The following KCND2 variants were observed in gnomAD, a reference collection of about 807,000 sequenced individuals.
KCND2 encodes the protein A-type voltage-gated potassium channel KCND2.
KCND2 carries 16 observed loss-of-function variants against 54.4 expected under a neutral mutation model. The ratio of observed to expected loss-of-function variants is 0.29; its 90% CI spans 0.20 to 0.45. KCND2 has a LOEUF of 0.45. KCND2 is among the 20% of genes least tolerant of loss of function. The pLI is 1.00. For missense variants in KCND2, 486 were observed against 824.2 expected (o/e 0.59, Z 5.02); for synonymous variants, 317 against 310.7 (o/e 1.02, Z -0.21).
chr7:120,742,664 C>T (rs888277358), intron 4 of KCND2, 62 bp downstream of exon 4: 19 of 1,247,816 alleles, frequency 1.5e-5, no homozygotes, highest in Middle Eastern at 1.9e-4. Flanking sequence ...TGCTTTTGTG[C>T]ATACTTAATG....
At chr7:120,723,803 G>A (rs916838229) in intron 1 of KCND2, among the ~76,000 whole-genome samples, 8 of 152,220 alleles carry the variant, frequency 5.3e-5, no homozygotes, top group South Asian at 4.1e-4. Flanking sequence ...ATGTGACCAT[G>A]GAAAACAGGT....
intron 1 of KCND2, among the ~76,000 whole-genome samples, chr7:120,309,459 A>ATATATATATATG (rs1285264292): frequency 9.6e-6 from 1 of 104,684 alleles, no homozygotes; most frequent in Non-Finnish European, 2.0e-5. Context: ...AAACATATAT[A>ATATATATATATG]TATATATATA....
At chr7:120,364,851 C>T (rs1011902744) in intron 1 of KCND2, among the ~76,000 whole-genome samples, 2 of 151,980 alleles carry the variant, frequency 1.3e-5, no homozygotes, top group Non-Finnish European at 2.9e-5. Flanking sequence ...GGGTTATTTG[C>T]TAAAACTGTA....
At chr7:120,275,773 T>TGG in intron 1 of KCND2, 26 bp downstream of exon 1, 1 of 1,599,488 alleles carries the variant, frequency 6.3e-7, no homozygotes, top group Admixed American at 1.7e-5. Context: ...GGAAATGGGA[T>TGG]GGAGGTTGGG....
intron 1 of KCND2, among the ~76,000 whole-genome samples, chr7:120,406,554 G>A (rs1233310500): frequency 6.6e-6 from 1 of 151,876 alleles, no homozygotes; most frequent in Non-Finnish European, 1.5e-5. Context: ...AACCTTTCTT[G>A]TCAACAATAG....
intron 1 of KCND2, among the ~76,000 whole-genome samples, chr7:120,452,505 G>A (rs1372350456): frequency 6.6e-6 from 1 of 152,110 alleles, no homozygotes; most frequent in Non-Finnish European, 1.5e-5. Context: ...TACAGACACT[G>A]GGCTGAAGGG....
rs540207660 is a variant in KCND2, at chr7:120,697,268, C to T, written c.1116-35635C>T. On this transcript the variant is annotated intron_variant, in intron 1 of 5. Coordinates refer to ENST00000331113, the MANE Select transcript of KCND2 (RefSeq NM_012281.3). ...ATTTTTGCATTACTTAACTAAGTAT[C>T]TTTCCAGTTTTGATTTCTCAAATGC... 1.1e-4 allele frequency among the ~76,000 whole-genome samples: 17 copies of T among 152,278 alleles called. No individual in the cohort carries two copies. The East Asian group carries it at 3.3e-3, about 29-fold the overall frequency.
At chr7:120,622,713 TCTCA>T (rs1416344555) in intron 1 of KCND2, among the ~76,000 whole-genome samples, 183 of 133,256 alleles carry the variant, frequency 1.4e-3, no homozygotes, top group African/African-American at 4.7e-3. Context: ...TCTCTCTCTC[TCTCA>T]CACACACACA....
At chr7:120,683,751 A>G (rs1405882046) in intron 1 of KCND2, among the ~76,000 whole-genome samples, 1 of 152,200 alleles carries the variant, frequency 6.6e-6, no homozygotes, top group Non-Finnish European at 1.5e-5. Flanking sequence ...AAAAAATAGA[A>G]AAATAAAGGA....
chr7:120,507,011 A>T (rs1431689869), intron 1 of KCND2, among the ~76,000 whole-genome samples: 2 of 151,886 alleles, frequency 1.3e-5, no homozygotes, highest in Non-Finnish European at 2.9e-5. Context: ...ATTTACATGT[A>T]TATTATTTAT....
chr7:120,446,191 C>T (rs1802016385), intron 1 of KCND2, among the ~76,000 whole-genome samples: 1 of 152,214 alleles, frequency 6.6e-6, no homozygotes, highest in Non-Finnish European at 1.5e-5. Flanking sequence ...GTTTGCAGTG[C>T]TGCTAGTCCA....
intron 1 of KCND2, among the ~76,000 whole-genome samples, chr7:120,638,004 A>G (rs1395137292): frequency 6.6e-6 from 1 of 152,118 alleles, no homozygotes; most frequent in African/African-American, 2.4e-5. Flanking sequence ...AAGAAAAATC[A>G]GAAAAAAAAA....
chr7:120,329,570 T>C (rs1800032252), intron 1 of KCND2, among the ~76,000 whole-genome samples: 1 of 152,158 alleles, frequency 6.6e-6, no homozygotes, highest in Non-Finnish European at 1.5e-5. Flanking sequence ...AGTTGAAAAT[T>C]GAGGAATTTT....
chr7:120,531,006 A>G (rs537403966), intron 1 of KCND2, among the ~76,000 whole-genome samples: 17 of 152,134 alleles, frequency 1.1e-4, no homozygotes, highest in African/African-American at 4.1e-4. Context: ...GCTTTGGTTA[A>G]ATCCATTTCT....
intron 1 of KCND2, among the ~76,000 whole-genome samples, chr7:120,452,233 C>T (rs1021728275): frequency 1.3e-5 from 2 of 152,230 alleles, no homozygotes; most frequent in Admixed American, 6.5e-5. Context: ...TTCTTCCTTT[C>T]TGCATCCTTG....
intron 1 of KCND2, among the ~76,000 whole-genome samples, chr7:120,710,422 A>G (rs1792523150): frequency 6.6e-6 from 1 of 152,182 alleles, no homozygotes. Context: ...CAAAAGTTGA[A>G]TTATACAATC....
rs190420035 is a variant in KCND2 at position 120,501,091 on chromosome 7, C to T, written c.1115+225344C>T. 3.8e-3 allele frequency among the ~76,000 whole-genome samples: 572 copies of T among 152,122 alleles called. 3 individuals are homozygous for T. The highest frequency in any genetic ancestry group is 6.8e-3 in the Middle Eastern group (2 of 294). On this transcript the variant is annotated intron_variant, in intron 1 of 5. Coordinates refer to ENST00000331113, the MANE Select transcript of KCND2 (RefSeq NM_012281.3). ...GGTTTTGTTTGTTTAAGTAAGGTTA[C>T]TTACTCTAGAATCTGTTAGTCCATG...
chr7:120,631,173 A>C (rs1269687869), intron 1 of KCND2, among the ~76,000 whole-genome samples: 1 of 152,132 alleles, frequency 6.6e-6, no homozygotes, highest in Non-Finnish European at 1.5e-5. Context: ...TACTGTTGCA[A>C]GTATAAATAG....
At chr7:120,451,235 A>G (rs990886191) in intron 1 of KCND2, among the ~76,000 whole-genome samples, 1 of 152,170 alleles carries the variant, frequency 6.6e-6, no homozygotes, top group African/African-American at 2.4e-5. Flanking sequence ...AATCTATAGG[A>G]GGAAAAAGGT....
Sources: gnomAD v4.1 joint callset for allele counts (sites outside exome capture counted in the v4.1 genomes callset) on GRCh38, gnomAD v4.1.1 for gene constraint, MANE v1.5 for transcripts, NCBI Gene and HGNC (gene_info 2026-07-23, HGNC 2026-07-21) for gene names.